The following MARS1 variants were observed in gnomAD, a reference collection of about 807,000 sequenced individuals.
MARS1 encodes the protein methionine--tRNA ligase, cytoplasmic.
A neutral mutation model predicts 119.5 loss-of-function variants in MARS1; 80 were observed. That is an observed-to-expected ratio of 0.67 (90% CI 0.56 to 0.81). MARS1 has a LOEUF of 0.81. Among genes scored for constraint, MARS1 ranks in the 30% least tolerant of loss-of-function variants. MARS1 has a pLI of 0.00. For missense variants in MARS1, 945 were observed against 1,116.5 expected, an observed-to-expected ratio of 0.85 and a Z score of 2.19; for synonymous variants, 418 against 433.4, an observed-to-expected ratio of 0.96 and a Z score of 0.44.
At chr12:57,498,892 C>T (rs1594819686) in intron 9 of MARS1, among the ~76,000 whole-genome samples, 1 of 152,180 alleles carries the variant, frequency 6.6e-6, no homozygotes, top group South Asian at 2.1e-4. Context: ...TGCCTCCCTT[C>T]CTCTCTGTGT....
chr12:57,512,734 C>G lies in MARS1; in HGVS notation c.1754-17C>G, dbSNP rs771148854. 5 of 1,596,388 alleles carry G rather than the reference C, an allele frequency of 3.1e-6. No individual in the cohort carries two copies. The highest frequency in any genetic ancestry group is 3.4e-6 in the Non-Finnish European group (4 of 1,164,056). On this transcript the variant is annotated splice_polypyrimidine_tract_variant and intron_variant, in intron 14 of 20. Transcript: ENST00000262027. ...GTGATGTGAGCAGATGGTTCTCACT[C>G]ATTCTCCTCTGTCCAGAGTACCTGA...
intron 16 of MARS1, 24 bp downstream of exon 16, chr12:57,514,875 T>C: frequency 6.2e-7 from 1 of 1,613,262 alleles, no homozygotes. Context: ...ACCTCTGTCT[T>C]TTCTGCTGGC....
rs58931225 is a variant in MARS1, at chr12:57,492,669, T to TCACACACA, written c.770+2064_770+2071dup. Among the ~76,000 whole-genome samples, 421 of 139,536 alleles carry TCACACACA rather than the reference T, an allele frequency of 3.0e-3. 1 individual carries two copies. Among genetic ancestry groups the TCACACACA allele is most frequent in the African/African-American group, 9.7e-3 (367 of 37,814 alleles). The allele number at this position is 139,536 out of a possible 152,430, so 91.5% of individuals were successfully genotyped here. ...CTGGGCAACAGAGCGCGACTCCATT[T>TCACACACA]CACACACACACACACACACACACAC... On this transcript the variant is annotated intron_variant, in intron 7 of 20. Transcript: ENST00000262027.
At chr12:57,501,491 C>G (rs1876912802) in intron 10 of MARS1, among the ~76,000 whole-genome samples, 1 of 152,158 alleles carries the variant, frequency 6.6e-6, no homozygotes, top group African/African-American at 2.4e-5. Flanking sequence ...TTGAGACCAG[C>G]CTGGCCTGTA....
chr12:57,496,892 G>A (rs1876663392), intron 7 of MARS1, among the ~76,000 whole-genome samples: 2 of 152,140 alleles, frequency 1.3e-5, no homozygotes, highest in Admixed American at 6.6e-5. Context: ...GGCAGACTAA[G>A]CTGTGTTGGG....
In MARS1 at chr12:57,490,197, A is replaced by T. The variant is rs1252227801; in HGVS notation, c.491-10A>T. 5.0e-6 allele frequency: 8 copies of T among 1,606,232 alleles called. No individual in the cohort carries two copies. Among genetic ancestry groups the T allele is most frequent in the Non-Finnish European group, 6.8e-6 (8 of 1,177,002 alleles). ...ATGTTTGCTGATTTTCTTTTCTTCC[A>T]TACCCACAGAGGAGCTGAGTGCCCT... On this transcript the variant is annotated splice_polypyrimidine_tract_variant and intron_variant, in intron 5 of 20. Coordinates refer to ENST00000262027, the MANE Select transcript of MARS1 (RefSeq NM_004990.4).
At chr12:57,492,441 C>T (rs1030724263) in intron 7 of MARS1, among the ~76,000 whole-genome samples, 1 of 151,494 alleles carries the variant, frequency 6.6e-6, no homozygotes, top group Non-Finnish European at 1.5e-5. Context: ...GAGGCCAAGG[C>T]GGCAGATCAC....
intron 6 of MARS1, 50 bp from the exon 7 acceptor site, chr12:57,490,488 A>T: frequency 6.2e-7 from 1 of 1,610,142 alleles, no homozygotes; most frequent in Non-Finnish European, 8.5e-7. Flanking sequence ...AAGTTTCTTT[A>T]CCCTGTGGGC....
chr12:57,493,311 A>AATATATTATATATAATATATG (rs1876093858), intron 7 of MARS1, among the ~76,000 whole-genome samples: 1 of 104,964 alleles, frequency 9.5e-6, no homozygotes, highest in African/African-American at 4.0e-5. Flanking sequence ...TATAATATAT[A>AATATATTATATATAATATATG]TTATATAATA....
At chr12:57,509,854 C>T (rs1234981714) in intron 11 of MARS1, among the ~76,000 whole-genome samples, 1 of 152,214 alleles carries the variant, frequency 6.6e-6, no homozygotes, top group African/African-American at 2.4e-5. Context: ...GGCATCAGCA[C>T]ATTTACTTAT....
rs778662742 is a variant in MARS1, at chr12:57,504,247, G to A, written c.1316G>A (p.Arg439Gln). Residue 439 changes from arginine to glutamine, a missense_variant, in exon 11 of 21, where the codon CGA (arginine) becomes CAA (glutamine). Coordinates refer to ENST00000262027, the MANE Select transcript of MARS1 (RefSeq NM_004990.4). The stretch of plus-strand genomic sequence containing the variant: ...CAGAAGCCTCAGTGTAAAGTCTGCC[G>A]ATCATGCCCTGTGGTGCAGTCGAGC... ...ELKKPQCKVC[R>Q]SCPVVQSSQH... 11 of 1,613,978 alleles carry A rather than the reference G, an allele frequency of 6.8e-6. No individual in the cohort carries two copies. Among genetic ancestry groups the A allele is most frequent in the African/African-American group, 4.0e-5 (3 of 74,902 alleles).
chr12:57,489,941 C>A lies in MARS1; in HGVS notation c.460C>A (p.Pro154Thr), dbSNP rs1875801450. 18 of 1,613,994 alleles carry A rather than the reference C, an allele frequency of 1.1e-5. No homozygotes were observed. The highest frequency in any genetic ancestry group is 1.4e-5 in the Non-Finnish European group (17 of 1,180,016). Residue 154 changes from proline (P) to threonine (T), a missense_variant, in exon 5 of 21, where the codon CCA becomes ACA. Pro to Thr is a conservative substitution (Grantham distance 38). Transcript: ENST00000262027. ...CATTGTTTTGTGGGGAGCCCTATAC[C>A]CATTACTGCAAGATCCCGCCTACCT... ...ADIVLWGALY[P>T]LLQDPAYLPE... is the part of the protein sequence containing the mutation.
rs917690391 is a variant in MARS1 at position 57,488,506 on chromosome 12, C to T, written c.109+307C>T. 46 of 1,452,346 alleles carry T rather than the reference C, an allele frequency of 3.2e-5. No individual in the cohort carries two copies. In the African/African-American group the frequency reaches 5.6e-4, roughly 18 times the overall value. 90.0% of individuals were successfully genotyped at this position (1,452,346 alleles called of 1,614,324 possible). A position where few individuals can be genotyped will look rare whatever the true frequency, so the allele number is the denominator to read the frequency against. ...TTCTCCTACACCTATCAGGCATCCC[C>T]CTCTGCTCTTTAGTTACTAGCATGA... On this transcript the variant is annotated intron_variant, in intron 1 of 20. Transcript: ENST00000262027.
rs1877791505 is a variant in MARS1, at chr12:57,515,983, G to A, written c.2455G>A (p.Gly819Arg). 1 of 1,614,010 alleles carries A rather than the reference G, an allele frequency of 6.2e-7. No homozygotes were observed. The highest frequency in any genetic ancestry group is 8.5e-7 in the Non-Finnish European group (1 of 1,180,002). The change falls in exon 19 of 21, where the codon GGG becomes AGG. Residue 819 changes from glycine (G) to arginine (R), a missense_variant. Gly to Arg is a moderately radical substitution (Grantham distance 125, BLOSUM62 -2). Transcript: ENST00000262027. ...QIESLRQRFGGGQAKTSPKPA... is the reference protein window; with the variant it reads ...QIESLRQRFGRGQAKTSPKPA... ...TGAAAGTTTAAGGCAGCGCTTTGGA[G>A]GGGGCCAGGTGAGAAAGCTAAAGGC... is the stretch of plus-strand genomic sequence containing the variant.
intron 10 of MARS1, among the ~76,000 whole-genome samples, chr12:57,501,249 AG>A (rs1457041752): frequency 6.6e-6 from 1 of 152,262 alleles, no homozygotes; most frequent in Non-Finnish European, 1.5e-5. Context: ...AGTGAGGAGG[AG>A]GGTAGACTGA....
chr12:57,489,631 A>G, intron 4 of MARS1, 73 bp downstream of exon 4: 1 of 1,593,998 alleles, frequency 6.3e-7, no homozygotes, highest in Non-Finnish European at 8.6e-7. Context: ...CTGTATTCAG[A>G]GTGTTCGAAC....
intron 7 of MARS1, among the ~76,000 whole-genome samples, chr12:57,492,325 C>T (rs1001413696): frequency 8.0e-5 from 12 of 149,188 alleles, no homozygotes; most frequent in South Asian, 4.3e-4. Flanking sequence ...GGTTGCTATG[C>T]GAGGAAATAT....
chr12:57,492,136 G>T (rs375350591), intron 7 of MARS1, among the ~76,000 whole-genome samples: 7 of 150,234 alleles, frequency 4.7e-5, no homozygotes, highest in African/African-American at 1.5e-4. Flanking sequence ...AAAATTAGCC[G>T]GGCATTGTGG....
At position 57,488,136 on chromosome 12, in the gene MARS1, C is replaced by T; in HGVS notation, c.46C>T (p.Leu16=). The part of the protein sequence containing the change: ...SDGVPGCLPV[L]AAAGRARGRA... ...TGGCGTCCCGGGTTGCTTGCCGGTGCTGGCCGCCGCCGGGAGAGCCCGGGG... is the reference window on the plus strand; with the variant it reads ...TGGCGTCCCGGGTTGCTTGCCGGTGTTGGCCGCCGCCGGGAGAGCCCGGGG... The change falls in exon 1 of 21, where the codon CTG becomes TTG. Residue 16 remains leucine (L), a synonymous_variant. Transcript: ENST00000262027. 1.2e-6 allele frequency: 2 copies of T among 1,614,182 alleles called. No homozygotes were observed. The highest frequency in any genetic ancestry group is 1.7e-6 in the Non-Finnish European group (2 of 1,180,038).
Sources: allele counts gnomAD v4.1 joint callset (sites outside exome capture counted in the v4.1 genomes callset), GRCh38; gene constraint gnomAD v4.1.1; transcripts MANE v1.5; gene names NCBI Gene and HGNC (gene_info 2026-07-23, HGNC 2026-07-21).